The following ZC3H13 variants were observed in gnomAD, a reference collection of about 807,000 sequenced individuals.
ZC3H13 encodes zinc finger CCCH-type containing 13.
In ZC3H13, 64 loss-of-function variants were observed where a neutral mutation model predicts 204.1. That is an observed-to-expected ratio of 0.31 (90% CI 0.26 to 0.39). ZC3H13 has a LOEUF of 0.39. ZC3H13 is among the 10% of genes least tolerant of loss of function. The pLI, the probability that ZC3H13 is intolerant of heterozygous loss-of-function variation, is 1.00. For missense variants in ZC3H13, 1,833 were observed against 2,082.7 expected, an observed-to-expected ratio of 0.88 and a Z score of 2.33; for synonymous variants, 667 against 693.7, an observed-to-expected ratio of 0.96 and a Z score of 0.60.
chr13:46,001,159 CAT>C lies in ZC3H13; in HGVS notation c.944+1978_944+1979del, dbSNP rs1049973641. The C allele has an allele frequency of 1.2e-4, 18 of 152,258 alleles. No individual in the cohort carries two copies. The East Asian group carries it at 1.4e-3, about 11-fold the overall frequency. 9.4% of individuals were successfully genotyped at this position (152,258 alleles called of 1,614,324 possible). ...GAATTACAGAGACACAAAGTGAGCA[CAT>C]GTTATTGGAAAAATGGCACTGATAG... On this transcript the variant is annotated intron_variant, in intron 8 of 18. Coordinates refer to ENST00000679008, the MANE Select transcript of ZC3H13 (RefSeq NM_001330564.2).
At position 45,985,613 on chromosome 13, in the gene ZC3H13, C is replaced by T; in HGVS notation, c.1404G>A (p.Arg468=). The T allele has an allele frequency of 6.2e-7, 1 of 1,613,914 alleles. No homozygotes were observed. Among genetic ancestry groups the T allele is most frequent in the Non-Finnish European group, 8.5e-7 (1 of 1,179,998 alleles). Residue 468 remains arginine, a synonymous_variant, in exon 10 of 19, where the codon AGG becomes AGA. Transcript: ENST00000679008. Reference sequence around the variant, plus strand: ...GCATGTCTCTGGAGTCTCTTAGTTCCCTTCGGTCCCTAGTATCTCTGGCAT... The same window carrying T: ...GCATGTCTCTGGAGTCTCTTAGTTCTCTTCGGTCCCTAGTATCTCTGGCAT... The part of the protein sequence containing the change: ...RRDARDTRDR[R]ELRDSRDMRD...
At chr13:45,999,017 T>A (rs1157709415) in intron 8 of ZC3H13, among the ~76,000 whole-genome samples, 1 of 152,190 alleles carries the variant, frequency 6.6e-6, no homozygotes, top group Admixed American at 6.5e-5. Flanking sequence ...AAGGCAGGAT[T>A]ACTTGAGTCC....
At chr13:45,957,752 C>T (rs373167317) in intron 18 of ZC3H13, among the ~76,000 whole-genome samples, 8 of 152,180 alleles carry the variant, frequency 5.3e-5, no homozygotes, top group African/African-American at 1.9e-4. Context: ...TCCTTCCTCA[C>T]ATAGTTTTTC....
chr13:46,025,917 CT>C (rs2042517052), intron 4 of ZC3H13, among the ~76,000 whole-genome samples: 1 of 151,224 alleles, frequency 6.6e-6, no homozygotes, highest in East Asian at 1.9e-4. Context: ...CTTTATTAAT[CT>C]AGTAGAATGG....
intron 8 of ZC3H13, among the ~76,000 whole-genome samples, chr13:45,994,630 T>C (rs187369870): frequency 6.6e-6 from 1 of 152,222 alleles, no homozygotes; most frequent in Non-Finnish European, 1.5e-5. Flanking sequence ...GCCGCACGCA[T>C]GTGGATTGTT....
rs185631965 is a variant in ZC3H13, at chr13:45,965,469, T to A, written c.4322-37A>T. 2.6e-5 allele frequency: 41 copies of A among 1,603,606 alleles called. No individual in the cohort carries two copies. The East Asian group carries it at 8.8e-4, about 34-fold the overall frequency. On this transcript the variant is annotated intron_variant, in intron 15 of 18. Transcript: ENST00000679008. ...AATTAATTTCAGATCAAAGACAACA[T>A]TAAAGGGAGAGGATGACTAAGTCAA...
Position 45,959,524 on chromosome 13 carries a change from G to A in ZC3H13, c.4798C>T (p.Arg1600Trp), listed in dbSNP as rs368044856. The stretch of plus-strand genomic sequence containing the variant: ...AGCTGCTTTCGAATTGCAGAATCCC[G>A]TCTGAAGCACAACGCCTTACAACAT... ...GPCCKALCFR[R>W]DSAIRKQLVK... The change falls in exon 18 of 19, where the codon CGG (arginine) becomes TGG (tryptophan). Residue 1600 changes from arginine (R) to tryptophan (W), a missense_variant. Physicochemically the swap from Arg to Trp is moderately radical, Grantham distance 101. Transcript: ENST00000679008. The A allele has an allele frequency of 6.0e-5, 93 of 1,545,184 alleles. 1 individual carries two copies. Among genetic ancestry groups the A allele is most frequent in the East Asian group, 5.4e-4 (22 of 40,484 alleles).
At chr13:45,976,621 C>T (rs1953072735) in intron 11 of ZC3H13, among the ~76,000 whole-genome samples, 1 of 152,118 alleles carries the variant, frequency 6.6e-6, no homozygotes, top group Non-Finnish European at 1.5e-5. Context: ...ACACACAAAT[C>T]ACATAAACAC....
intron 8 of ZC3H13, among the ~76,000 whole-genome samples, chr13:46,000,214 G>C (rs748190116): frequency 6.6e-6 from 1 of 152,116 alleles, no homozygotes; most frequent in South Asian, 2.1e-4. Flanking sequence ...CCTGTTCTTC[G>C]GAGCTTTGAA....
rs1264394628 is a variant in ZC3H13 at position 46,052,520 on chromosome 13, G to A, written c.-126C>T. The A allele has an allele frequency of 1.0e-5, 4 of 398,552 alleles. No individual in the cohort carries two copies. The highest frequency in any genetic ancestry group is 4.4e-5 in the Admixed American group (1 of 22,724). The allele number at this position is 398,552 out of a possible 1,614,324, so 24.7% of individuals were successfully genotyped here. A position where few individuals can be genotyped will look rare whatever the true frequency, so the allele number is the denominator to read the frequency against. On this transcript the variant is annotated 5_prime_UTR_variant, in exon 1 of 19. Transcript: ENST00000679008. ...CTGGACCCAGGAGGACGACGACGAG[G>A]AGAAAGCGATGCGCGCGCGGCTCCC...
intron 9 of ZC3H13, among the ~76,000 whole-genome samples, chr13:45,988,348 C>T (rs2039705795): frequency 6.6e-6 from 1 of 152,098 alleles, no homozygotes; most frequent in South Asian, 2.1e-4. Context: ...AGCTCCGCCT[C>T]CCGGGTTCAA....
chr13:46,022,124 A>C (rs1334034006), intron 4 of ZC3H13, among the ~76,000 whole-genome samples: 1 of 151,892 alleles, frequency 6.6e-6, no homozygotes, highest in Non-Finnish European at 1.5e-5. Context: ...AATGTCATTA[A>C]TAATGATGTC....
At chr13:45,988,457 C>T (rs1294566020) in intron 9 of ZC3H13, among the ~76,000 whole-genome samples, 2 of 152,054 alleles carry the variant, frequency 1.3e-5, no homozygotes, top group Non-Finnish European at 2.9e-5. Context: ...CGGGGTCTCA[C>T]CATATTAGCC....
At position 45,965,314 on chromosome 13, in the gene ZC3H13, C is replaced by A. The variant is rs758551038; in HGVS notation, c.4440G>T (p.Lys1480Asn). The A allele has an allele frequency of 6.2e-7, 1 of 1,613,722 alleles. No individual in the cohort carries two copies. The highest frequency in any genetic ancestry group is 1.7e-5 in the Admixed American group (1 of 59,982). Residue 1480 changes from lysine to asparagine, a missense_variant, in exon 16 of 19, where the codon AAG (lysine) becomes AAT (asparagine). Lys to Asn is a moderately conservative substitution (Grantham distance 94). This residue lies in a region of ZC3H13 where 211 missense variants were observed against 228.4 expected (regional missense o/e 0.92). Coordinates refer to ENST00000679008, the MANE Select transcript of ZC3H13 (RefSeq NM_001330564.2). ...LDEILAGDAE[K>N]REDQQDEEKM... ...TCTCCTCATCCTGTTGGTCCTCCCTCTTTTCTGCATCACCTGCCAGAATTT... is the reference window on the plus strand; with the variant it reads ...TCTCCTCATCCTGTTGGTCCTCCCTATTTTCTGCATCACCTGCCAGAATTT...
chr13:45,975,607 C>T lies in ZC3H13; in HGVS notation c.2144G>A (p.Arg715Gln), dbSNP rs371005920. 1.0e-5 allele frequency: 16 copies of T among 1,570,024 alleles called. No homozygotes were observed. Among genetic ancestry groups the T allele is most frequent in the African/African-American group, 1.4e-5 (1 of 73,480 alleles). Residue 715 changes from arginine to glutamine, a missense_variant, in exon 12 of 19, where the codon CGG becomes CAG. Physicochemically the swap from Arg to Gln is conservative, Grantham distance 43 (BLOSUM62 1). Around this residue, in one of 5 missense-constraint regions of ZC3H13, gnomAD observed 1,574 missense variants for 1,757.2 expected, o/e 0.90. Coordinates refer to ENST00000679008, the MANE Select transcript of ZC3H13 (RefSeq NM_001330564.2). ...TCTCTCTTTTTCTCTTTCTCTCTCCCGTTCCCTAGCACGCTCTCTTTCTAG... is the reference window on the plus strand; with the variant it reads ...TCTCTCTTTTTCTCTTTCTCTCTCCTGTTCCCTAGCACGCTCTCTTTCTAG... ...RELERERARE[R>Q]EREREKERDR...
chr13:46,031,436 A>T (rs1237447848), intron 4 of ZC3H13, among the ~76,000 whole-genome samples: 2 of 152,086 alleles, frequency 1.3e-5, no homozygotes, highest in Non-Finnish European at 2.9e-5. Flanking sequence ...GAAATAACTG[A>T]TAACTGGACT....
chr13:46,041,560 G>A (rs999887749), intron 4 of ZC3H13, among the ~76,000 whole-genome samples: 6 of 152,042 alleles, frequency 3.9e-5, no homozygotes, highest in Non-Finnish European at 8.8e-5. Context: ...TGAACTGTAT[G>A]GTATGTGAAA....
intron 16 of ZC3H13, 80 bp from the exon 17 acceptor site, chr13:45,964,122 CAAG>C: frequency 7.4e-7 from 1 of 1,346,632 alleles, no homozygotes; most frequent in Non-Finnish European, 1.0e-6. Flanking sequence ...TTACATAAAT[CAAG>C]GAGAAAACAG....
intron 10 of ZC3H13, among the ~76,000 whole-genome samples, chr13:45,983,413 A>ATATATATTTTT (rs1555277663): frequency 6.4e-5 from 2 of 31,132 alleles, no homozygotes; most frequent in African/African-American, 4.3e-4. Flanking sequence ...ATATATATAT[A>ATATATATTTTT]TTTTTTTTTT....
Sources: gnomAD v4.1 joint callset for allele counts (sites outside exome capture counted in the v4.1 genomes callset) on GRCh38, gnomAD v4.1.1 for gene constraint, gnomAD v4.1.1 regional missense constraint, MANE v1.5 for transcripts, NCBI Gene and HGNC (gene_info 2026-07-23, HGNC 2026-07-21) for gene names.